MTA3: variants seen among roughly 807,000 people sequenced by gnomAD.
MTA3 encodes metastasis associated 1 family member 3.
In MTA3, 34 loss-of-function variants were observed where a neutral mutation model predicts 83.5. The ratio of observed to expected loss-of-function variants is 0.41; its 90% CI spans 0.31 to 0.54. The LOEUF (loss-of-function observed/expected upper bound fraction) is 0.54, where lower values mean the gene tolerates loss of function less well. Among genes scored for constraint, MTA3 ranks in the 20% least tolerant of loss-of-function variants. The pLI is 0.33. For synonymous variants in MTA3, 303 were observed against 252.7 expected (o/e 1.20, Z -1.89); for missense variants, 761 against 726.4 (o/e 1.05, Z -0.55).
intron 5 of MTA3, among the ~76,000 whole-genome samples, chr2:42,640,688 A>G (rs1255838890): frequency 6.6e-6 from 1 of 152,194 alleles, no homozygotes; most frequent in Non-Finnish European, 1.5e-5. Context: ...TTTTCACTAA[A>G]CCTCAACAAG....
intron 2 of MTA3, among the ~76,000 whole-genome samples, chr2:42,560,592 AAC>A (rs368564576): frequency 4.4e-4 from 65 of 149,342 alleles, no homozygotes; most frequent in South Asian, 1.1e-3. Context: ...AAACAAACAA[AAC>A]ACACACACAC....
chr2:42,673,915 T>C (rs150727498), intron 8 of MTA3, among the ~76,000 whole-genome samples: 6 of 152,356 alleles, frequency 3.9e-5, no homozygotes, highest in Non-Finnish European at 7.3e-5. Flanking sequence ...TGAATTAAGT[T>C]CTTTAGTCTC....
intron 4 of MTA3, among the ~76,000 whole-genome samples, chr2:42,621,439 G>A (rs1427665318): frequency 3.3e-5 from 5 of 152,190 alleles, no homozygotes; most frequent in Admixed American, 3.3e-4. Flanking sequence ...AGAGAGCACC[G>A]GGTTGGGAGT....
At chr2:42,623,142 A>G (rs1467421342) in intron 4 of MTA3, among the ~76,000 whole-genome samples, 1 of 152,196 alleles carries the variant, frequency 6.6e-6, no homozygotes, top group African/African-American at 2.4e-5. Flanking sequence ...GCATACCTTG[A>G]GAATGATCCT....
chr2:42,636,502 G>A (rs13000904), intron 4 of MTA3, among the ~76,000 whole-genome samples: 110,622 of 151,932 alleles, frequency 0.73, 40,433 homozygotes, highest in South Asian at 0.88. Flanking sequence ...TGATTATGCC[G>A]CTGCACTCCA....
rs1362021135 is a variant in MTA3 at position 42,572,058 on chromosome 2, A to G, written c.96+1554A>G. Among the ~76,000 whole-genome samples, 5 of 151,952 alleles carry G rather than the reference A, an allele frequency of 3.3e-5. No homozygotes were observed. The East Asian group carries it at 9.6e-4, about 29-fold the overall frequency. On this transcript the variant is annotated intron_variant, in intron 2 of 16. Transcript: ENST00000405094. ...TTTGGGAGGCCAAGGCAGGCGGATC[A>G]CGGGGTCAGGAGATCGAGACCATCC...
At chr2:42,516,507 T>A (rs534091338) in intron 2 of MTA3, among the ~76,000 whole-genome samples, 2 of 152,344 alleles carry the variant, frequency 1.3e-5, no homozygotes, top group South Asian at 2.1e-4. Flanking sequence ...TACAGAATTC[T>A]AATGTTCACA....
intron 2 of MTA3, among the ~76,000 whole-genome samples, chr2:42,537,121 C>T (rs1676281822): frequency 1.3e-5 from 2 of 152,202 alleles, no homozygotes; most frequent in South Asian, 2.1e-4. Context: ...ACCTCCTCCA[C>T]ATTCTACACC....
chr2:42,743,129 A>T (rs1277720813), intron 16 of MTA3, among the ~76,000 whole-genome samples: 1 of 152,200 alleles, frequency 6.6e-6, no homozygotes, highest in Non-Finnish European at 1.5e-5. Flanking sequence ...AATCAGAAAG[A>T]ATCCTGGAGA....
At chr2:42,609,806 C>G (rs1162841609) in intron 4 of MTA3, among the ~76,000 whole-genome samples, 1 of 152,140 alleles carries the variant, frequency 6.6e-6, no homozygotes, top group Admixed American at 6.6e-5. Context: ...GTTTTAATAA[C>G]AGACTTTCCT....
chr2:42,548,518 A>G lies in MTA3; in HGVS notation c.-140-21919A>G, dbSNP rs1340934274. Among the ~76,000 whole-genome samples, 8 of 150,880 alleles carry G rather than the reference A, an allele frequency of 5.3e-5. No individual in the cohort carries two copies. The Admixed American group carries it at 5.3e-4, about 10-fold the overall frequency. ...AATGCAAATATTAAATGGGCTGGGC[A>G]TGGTGGCTCACGCCTGTAATTCCAG... On this transcript the variant is annotated intron_variant, in intron 2 of 17. Coordinates refer to the MTA3 transcript ENST00000405592.
chr2:42,693,002 T>C (rs1693046190), intron 9 of MTA3, among the ~76,000 whole-genome samples: 1 of 152,216 alleles, frequency 6.6e-6, no homozygotes, highest in Admixed American at 6.5e-5. Flanking sequence ...ACTCCCTTGG[T>C]AGTCTCAGAT....
At chr2:42,736,795 C>G (rs1668643287) in intron 16 of MTA3, among the ~76,000 whole-genome samples, 1 of 152,234 alleles carries the variant, frequency 6.6e-6, no homozygotes, top group African/African-American at 2.4e-5. Context: ...TGCCTGGATA[C>G]CACTGCTGAT....
At chr2:42,657,620 T>C (rs764020058) in intron 7 of MTA3, among the ~76,000 whole-genome samples, 9 of 152,110 alleles carry the variant, frequency 5.9e-5, no homozygotes, top group Non-Finnish European at 1.2e-4. Context: ...TTGTTTTCAA[T>C]ATTTGTTTTA....
At chr2:42,498,089 C>G (rs1209685291) in intron 2 of MTA3, among the ~76,000 whole-genome samples, 1 of 152,170 alleles carries the variant, frequency 6.6e-6, no homozygotes, top group East Asian at 1.9e-4. Context: ...ATTGAAATAC[C>G]CTGTGGGCAC....
At chr2:42,736,621 T>TG (rs1388454106) in intron 16 of MTA3, among the ~76,000 whole-genome samples, 3 of 151,866 alleles carry the variant, frequency 2.0e-5, no homozygotes, top group African/African-American at 7.3e-5. Flanking sequence ...TACCCTAGAG[T>TG]GGCCAATCTG....
At chr2:42,662,361 T>G (rs1689799902) in intron 8 of MTA3, among the ~76,000 whole-genome samples, 1 of 151,652 alleles carries the variant, frequency 6.6e-6, no homozygotes, top group Non-Finnish European at 1.5e-5. Flanking sequence ...TTGTGTCTTG[T>G]TTTTTCTAAT....
At chr2:42,609,695 C>T in intron 4 of MTA3, 111 bp downstream of exon 4, 1 of 1,221,834 alleles carries the variant, frequency 8.2e-7, no homozygotes. Context: ...AACTACTTTG[C>T]TAAAGGCTTC....
At chr2:42,661,506 C>CAAAAA (rs1296698587) in intron 8 of MTA3, among the ~76,000 whole-genome samples, 3 of 27,180 alleles carry the variant, frequency 1.1e-4, no homozygotes, top group Non-Finnish European at 1.2e-4. Flanking sequence ...GACCCTGTCT[C>CAAAAA]AAAAAAAAAA....
Sources: gnomAD v4.1 joint callset for allele counts (sites outside exome capture counted in the v4.1 genomes callset) on GRCh38, gnomAD v4.1.1 for gene constraint, MANE v1.5 for transcripts, NCBI Gene and HGNC (gene_info 2026-07-23, HGNC 2026-07-21) for gene names.